SPAG16: variants seen among roughly 807,000 people sequenced by gnomAD.
SPAG16 encodes sperm associated antigen 16.
In SPAG16, 86 loss-of-function variants were observed where a neutral mutation model predicts 80.4. That is an observed-to-expected ratio of 1.07 (90% CI 0.90 to 1.28). SPAG16 has a LOEUF of 1.28. Ranked by LOEUF, SPAG16 falls within the 50% of genes most tolerant of loss-of-function variation. SPAG16 has a pLI of 0.00. For missense variants in SPAG16, 870 were observed against 765.3 expected, an observed-to-expected ratio of 1.14 and a Z score of -1.61; for synonymous variants, 294 against 265.9, an observed-to-expected ratio of 1.11 and a Z score of -1.03.
intron 12 of SPAG16, among the ~76,000 whole-genome samples, chr2:213,973,471 T>C (rs2045193593): frequency 6.6e-6 from 1 of 152,010 alleles, no homozygotes; most frequent in African/African-American, 2.4e-5. Context: ...AAAGAAACAA[T>C]TATTTTTCAA....
At chr2:213,381,626 A>G (rs540558792) in intron 9 of SPAG16, among the ~76,000 whole-genome samples, 1 of 152,352 alleles carries the variant, frequency 6.6e-6, no homozygotes, top group South Asian at 2.1e-4. Context: ...AGTATTCACA[A>G]GATAAGGCAT....
chr2:214,042,031 C>T (rs2049058510), intron 13 of SPAG16, among the ~76,000 whole-genome samples: 1 of 140,604 alleles, frequency 7.1e-6, no homozygotes, highest in Non-Finnish European at 1.5e-5. Context: ...AATATATACA[C>T]AAACATGTAA....
At chr2:213,444,690 G>A (rs915251659) in intron 9 of SPAG16, among the ~76,000 whole-genome samples, 1 of 151,440 alleles carries the variant, frequency 6.6e-6, no homozygotes, top group Non-Finnish European at 1.5e-5. Context: ...TTTTATTGTA[G>A]CAATTTTTTA....
chr2:213,928,871 A>G (rs1051609478), intron 11 of SPAG16, among the ~76,000 whole-genome samples: 2 of 149,322 alleles, frequency 1.3e-5, no homozygotes, highest in African/African-American at 4.9e-5. Flanking sequence ...TGTGTAGAAG[A>G]TGATGGAAGT....
chr2:213,760,767 T>C (rs1203704860), intron 10 of SPAG16, among the ~76,000 whole-genome samples: 1 of 152,190 alleles, frequency 6.6e-6, no homozygotes, highest in Non-Finnish European at 1.5e-5. Flanking sequence ...CTGGATAATT[T>C]ATATAAAAAT....
At chr2:213,326,961 A>G (rs898673878) in intron 5 of SPAG16, among the ~76,000 whole-genome samples, 30 of 152,046 alleles carry the variant, frequency 2.0e-4, no homozygotes, top group African/African-American at 7.2e-4. Context: ...CGATAAGAAT[A>G]TCTGTACCTT....
At chr2:214,308,694 T>A (rs549805917) in intron 15 of SPAG16, among the ~76,000 whole-genome samples, 4 of 152,280 alleles carry the variant, frequency 2.6e-5, no homozygotes, top group African/African-American at 7.2e-5. Flanking sequence ...CTTTTTTTTT[T>A]AAGAATGTTG....
rs1315457689 is a variant in SPAG16 at position 213,643,346 on chromosome 2, TTTTATATATATA to T, written c.1070+153258_1070+153269del. On this transcript the variant is annotated intron_variant, in intron 10 of 15. Coordinates refer to ENST00000331683, the MANE Select transcript of SPAG16 (RefSeq NM_024532.5). ...TGCTGCCAGATGTATTGGATCTTAA[TTTTATATATATA>T]TATATATATATATATATATATATAT... Among the ~76,000 whole-genome samples, 207 of 72,650 alleles carry T rather than the reference TTTTATATATATA, an allele frequency of 2.8e-3. 32 individuals are homozygous for T. The highest frequency in any genetic ancestry group is 7.4e-3 in the East Asian group (15 of 2,024). 47.7% of individuals were successfully genotyped at this position (72,650 alleles called of 152,430 possible). A position where few individuals can be genotyped will look rare whatever the true frequency, so the allele number is the denominator to read the frequency against.
At chr2:213,588,659 G>A (rs1473940840) in intron 10 of SPAG16, among the ~76,000 whole-genome samples, 4 of 150,664 alleles carry the variant, frequency 2.7e-5, no homozygotes, top group African/African-American at 4.9e-5. Context: ...AAAATCAGCC[G>A]GGCGCGGTGG....
chr2:213,836,512 C>T (rs1409963683), intron 10 of SPAG16, among the ~76,000 whole-genome samples: 1 of 152,046 alleles, frequency 6.6e-6, no homozygotes, highest in Admixed American at 6.5e-5. Context: ...TTTATGGTGG[C>T]AAACAGCTAT....
At chr2:213,793,584 G>C (rs2070837183) in intron 10 of SPAG16, among the ~76,000 whole-genome samples, 1 of 152,156 alleles carries the variant, frequency 6.6e-6, no homozygotes, top group African/African-American at 2.4e-5. Flanking sequence ...ATGAAAAACT[G>C]ACTTCAAGTG....
intron 14 of SPAG16, among the ~76,000 whole-genome samples, chr2:214,116,748 C>T (rs2053954173): frequency 6.6e-6 from 1 of 152,198 alleles, no homozygotes; most frequent in Non-Finnish European, 1.5e-5. Context: ...AGAGCCATGT[C>T]ATCCTTGGAA....
chr2:214,349,365 G>T (rs1421138883), intron 15 of SPAG16, among the ~76,000 whole-genome samples: 2 of 152,192 alleles, frequency 1.3e-5, no homozygotes, highest in African/African-American at 4.8e-5. Context: ...GTAATCTTTT[G>T]TGTAAGTCTT....
At chr2:213,460,725 A>C (rs907475807) in intron 9 of SPAG16, among the ~76,000 whole-genome samples, 19 of 152,170 alleles carry the variant, frequency 1.2e-4, no homozygotes, top group African/African-American at 4.6e-4. Context: ...TAAAATATAA[A>C]TGTGTTATGG....
intron 10 of SPAG16, among the ~76,000 whole-genome samples, chr2:213,747,186 C>A (rs1398438579): frequency 6.6e-6 from 1 of 152,034 alleles, no homozygotes; most frequent in African/African-American, 2.4e-5. Flanking sequence ...TAAAAGATAA[C>A]AGTTTTTAAA....
At chr2:213,526,756 C>G (rs2125869354) in intron 10 of SPAG16, among the ~76,000 whole-genome samples, 1 of 152,272 alleles carries the variant, frequency 6.6e-6, no homozygotes, top group Admixed American at 6.5e-5. Context: ...CTTTATTATT[C>G]TGATTCATAC....
chr2:214,348,263 A>G (rs1309804677), intron 15 of SPAG16, among the ~76,000 whole-genome samples: 6 of 152,210 alleles, frequency 3.9e-5, no homozygotes, highest in Non-Finnish European at 8.8e-5. Flanking sequence ...TGAGCCACAC[A>G]GGATAAGACT....
chr2:214,406,873 C>CAGATAA (rs1236173119), intron 15 of SPAG16, among the ~76,000 whole-genome samples: 47 of 152,030 alleles, frequency 3.1e-4, no homozygotes, highest in Admixed American at 1.2e-3. Flanking sequence ...AAAGTCTTGG[C>CAGATAA]AGATAAAAAT....
At chr2:213,669,899 A>G (rs1337504969) in intron 10 of SPAG16, among the ~76,000 whole-genome samples, 1 of 152,158 alleles carries the variant, frequency 6.6e-6, no homozygotes, top group African/African-American at 2.4e-5. Context: ...TTACTCAGCA[A>G]CATCTAGTAT....
Sources: gnomAD v4.1 joint callset for allele counts (sites outside exome capture counted in the v4.1 genomes callset) on GRCh38, gnomAD v4.1.1 for gene constraint, MANE v1.5 for transcripts, NCBI Gene and HGNC (gene_info 2026-07-23, HGNC 2026-07-21) for gene names.